The following PIK3C2G variants were observed in gnomAD, a reference collection of about 807,000 sequenced individuals.
PIK3C2G encodes phosphatidylinositol 3-kinase C2 domain-containing subunit gamma.
PIK3C2G carries 168 observed loss-of-function variants against 181.1 expected under a neutral mutation model. The ratio of observed to expected loss-of-function variants is 0.93; its 90% CI spans 0.82 to 1.05. The LOEUF (loss-of-function observed/expected upper bound fraction) is 1.05, where lower values mean the gene tolerates loss of function less well. Ranked by LOEUF, PIK3C2G falls within the 50% of genes least tolerant of loss-of-function variation. The pLI is 0.00. For missense variants in PIK3C2G, 1,869 were observed against 1,732.8 expected (o/e 1.08, Z -1.40); for synonymous variants, 573 against 592.2 (o/e 0.97, Z 0.47).
At chr12:18,243,964 G>A (rs949975111), upstream of PIK3C2G, among the ~76,000 whole-genome samples, 1 of 151,938 alleles carries the variant, frequency 6.6e-6, no homozygotes, top group Non-Finnish European at 1.5e-5. Flanking sequence ...AATTAAGACT[G>A]AGTCCCTGCC....
chr12:18,556,282 C>T (rs139284576), intron 26 of PIK3C2G, among the ~76,000 whole-genome samples: 4 of 152,214 alleles, frequency 2.6e-5, no homozygotes, highest in Non-Finnish European at 5.9e-5. Flanking sequence ...GGCCTGAAAC[C>T]GACTACACTC....
At chr12:18,642,844 T>C (rs1419901464) in intron 32 of PIK3C2G, among the ~76,000 whole-genome samples, 1 of 151,286 alleles carries the variant, frequency 6.6e-6, no homozygotes, top group Non-Finnish European at 1.5e-5. Flanking sequence ...AATACATGTA[T>C]ATACTGCATA....
intron 12 of PIK3C2G, among the ~76,000 whole-genome samples, chr12:18,370,746 C>T (rs1213678935): frequency 1.3e-5 from 2 of 152,068 alleles, no homozygotes; most frequent in African/African-American, 2.4e-5. Flanking sequence ...CATATATGCC[C>T]TTGTCTGTGC....
chr12:18,650,332 T>TAC (rs1950379862), downstream of PIK3C2G, among the ~76,000 whole-genome samples: 1 of 107,874 alleles, frequency 9.3e-6, no homozygotes, highest in Non-Finnish European at 1.9e-5. Flanking sequence ...TCTCTCTCTC[T>TAC]ATATATATAT....
intron 11 of PIK3C2G, among the ~76,000 whole-genome samples, chr12:18,360,925 A>C (rs1941179472): frequency 1.3e-5 from 2 of 151,994 alleles, no homozygotes; most frequent in Non-Finnish European, 2.9e-5. Flanking sequence ...AAATTTAGGA[A>C]GTTTTTCACC....
At chr12:18,669,654 T>G in the PIK3C2G span, among the ~76,000 whole-genome samples, 1 of 149,076 alleles carries the variant, frequency 6.7e-6, no homozygotes, top group African/African-American at 2.5e-5. Context: ...AGCTCTGGTG[T>G]CTCTTCCTCT....
chr12:18,595,000 C>T (rs1231159115), intron 30 of PIK3C2G, among the ~76,000 whole-genome samples: 3 of 151,954 alleles, frequency 2.0e-5, no homozygotes, highest in African/African-American at 7.2e-5. Flanking sequence ...TTATTTCTTA[C>T]ATCATAGAAT....
At chr12:18,556,335 T>C (rs936129393) in intron 26 of PIK3C2G, among the ~76,000 whole-genome samples, 1 of 152,122 alleles carries the variant, frequency 6.6e-6, no homozygotes, top group African/African-American at 2.4e-5. Flanking sequence ...CAGCACTGTT[T>C]TGTCTGACCC....
chr12:18,261,622 C>A (rs1027223651), intron 1 of PIK3C2G, 45 bp downstream of exon 1: 1 of 152,088 alleles, frequency 6.6e-6, no homozygotes, highest in Non-Finnish European at 1.5e-5. Context: ...AACTACATAG[C>A]ATGATATTTC....
chr12:18,387,989 A>G (rs1405423295), intron 14 of PIK3C2G, among the ~76,000 whole-genome samples: 1 of 152,160 alleles, frequency 6.6e-6, no homozygotes, highest in Non-Finnish European at 1.5e-5. Context: ...GAAGTATTTT[A>G]CTTTTTCTAA....
chr12:18,602,747 T>C (rs1295841483), intron 30 of PIK3C2G, among the ~76,000 whole-genome samples: 1 of 152,136 alleles, frequency 6.6e-6, no homozygotes, highest in Non-Finnish European at 1.5e-5. Flanking sequence ...GTAGGCTCAC[T>C]GGGTGAATGA....
At chr12:18,553,106 G>A (rs1313297542) in intron 26 of PIK3C2G, among the ~76,000 whole-genome samples, 3 of 152,008 alleles carry the variant, frequency 2.0e-5, no homozygotes, top group African/African-American at 7.2e-5. Context: ...CTGACCCTAC[G>A]CATTGCATAC....
intron 18 of PIK3C2G, among the ~76,000 whole-genome samples, chr12:18,473,861 A>G (rs887151688): frequency 3.3e-5 from 5 of 152,146 alleles, no homozygotes; most frequent in Non-Finnish European, 5.9e-5. Flanking sequence ...TAAACAGTTG[A>G]GAAAGCACTC....
intron 24 of PIK3C2G, among the ~76,000 whole-genome samples, chr12:18,533,257 A>G (rs1943653218): frequency 6.6e-6 from 1 of 152,128 alleles, no homozygotes; most frequent in Non-Finnish European, 1.5e-5. Flanking sequence ...TTTAATCTGC[A>G]TTTGTATGTC....
At chr12:18,522,486 G>A (rs762875329) in intron 24 of PIK3C2G, among the ~76,000 whole-genome samples, 1 of 150,324 alleles carries the variant, frequency 6.7e-6, no homozygotes, top group Non-Finnish European at 1.5e-5. Flanking sequence ...ATTTCTGAAG[G>A]ACAACTTTGC....
the PIK3C2G span, chr12:18,719,589 G>T: frequency 6.2e-7 from 1 of 1,606,438 alleles, no homozygotes; most frequent in Non-Finnish European, 8.5e-7. Flanking sequence ...GTGAATCCAT[G>T]TATCTTGTAA....
At chr12:18,379,204 G>A (rs964912462) in intron 13 of PIK3C2G, among the ~76,000 whole-genome samples, 1 of 152,044 alleles carries the variant, frequency 6.6e-6, no homozygotes, top group Admixed American at 6.5e-5. Flanking sequence ...ATGAGTTCAT[G>A]TCCTTTGTAG....
intron 14 of PIK3C2G, among the ~76,000 whole-genome samples, chr12:18,388,024 A>G (rs1047446006): frequency 2.6e-5 from 4 of 152,208 alleles, no homozygotes; most frequent in Admixed American, 6.5e-5. Flanking sequence ...CTTATATTCC[A>G]TTATCGTCAG....
At chr12:18,584,858 T>A (rs1946689330) in intron 29 of PIK3C2G, among the ~76,000 whole-genome samples, 1 of 152,116 alleles carries the variant, frequency 6.6e-6, no homozygotes, top group South Asian at 2.1e-4. Context: ...GCAGGAAATC[T>A]ATAAGCCAGA....
Sources: allele counts gnomAD v4.1 joint callset (sites outside exome capture counted in the v4.1 genomes callset), GRCh38; gene constraint gnomAD v4.1.1; transcripts MANE v1.5; gene names NCBI Gene and HGNC (gene_info 2026-07-23, HGNC 2026-07-21).